Variants in AASDH observed in about 807,000 individuals in gnomAD.
The protein encoded by AASDH is beta-alanine-activating enzyme.
Under a neutral mutation model 102.3 loss-of-function variants are expected in AASDH, and 81 were observed. That is an observed-to-expected ratio of 0.79 (90% CI 0.66 to 0.95). The LOEUF (loss-of-function observed/expected upper bound fraction) is 0.95. AASDH is among the 40% of genes least tolerant of loss of function. The pLI, the probability that AASDH is intolerant of heterozygous loss-of-function variation, is 0.00. For synonymous variants in AASDH, 398 were observed against 454.0 expected, an observed-to-expected ratio of 0.88 and a Z score of 1.57; for missense variants, 1,203 against 1,266.2, an observed-to-expected ratio of 0.95 and a Z score of 0.76.
chr4:56,363,348 C>A (rs990808360), intron 5 of AASDH, among the ~76,000 whole-genome samples: 2 of 152,220 alleles, frequency 1.3e-5, no homozygotes, highest in African/African-American at 4.8e-5. Flanking sequence ...ACTTAAATGT[C>A]CCTGTCTGAC....
chr4:56,354,603 A>G (rs1282774704), intron 7 of AASDH, 102 bp downstream of exon 7: 34 of 821,190 alleles, frequency 4.1e-5, no homozygotes, highest in Non-Finnish European at 6.5e-5. Context: ...TTATCACTGA[A>G]AAGCATGAGA....
At chr4:56,361,600 A>T (rs1750305120) in intron 5 of AASDH, among the ~76,000 whole-genome samples, 1 of 152,146 alleles carries the variant, frequency 6.6e-6, no homozygotes, top group East Asian at 1.9e-4. Context: ...TTTTTTAAGG[A>T]AAAACTCAGG....
At chr4:56,371,668 T>C (rs1055513749) in intron 4 of AASDH, 25 bp from the exon 5 acceptor site, 4 of 1,577,032 alleles carry the variant, frequency 2.5e-6, no homozygotes, top group African/African-American at 1.4e-5. Context: ...AATGCAGTTA[T>C]GAGAAACGTC....
chr4:56,386,150 T>G (rs1431540274), intron 1 of AASDH, among the ~76,000 whole-genome samples: 1 of 152,236 alleles, frequency 6.6e-6, no homozygotes, highest in Admixed American at 6.5e-5. Context: ...TTATTTTTAG[T>G]AGGCATTTCT....
chr4:56,365,642 GCA>G (rs1389140725), intron 5 of AASDH, among the ~76,000 whole-genome samples: 1 of 152,000 alleles, frequency 6.6e-6, no homozygotes, highest in Admixed American at 6.6e-5. Flanking sequence ...TGAAATGAAG[GCA>G]GAAATCAAGA....
In AASDH at chr4:56,354,220, G is replaced by A; in HGVS notation, c.1211-9C>T. On this transcript the variant is annotated splice_polypyrimidine_tract_variant and intron_variant, in intron 7 of 14. Transcript: ENST00000205214. ...CACTCTGTTTCTGCCACCTTCCCAA[G>A]ATATAAACACCAATGTCATAAAAAT... The A allele has an allele frequency of 6.5e-7, 1 of 1,542,552 alleles. No homozygotes were observed. Among genetic ancestry groups the A allele is most frequent in the Non-Finnish European group, 8.8e-7 (1 of 1,142,604 alleles).
chr4:56,360,690 G>A (rs1750186974), intron 5 of AASDH, among the ~76,000 whole-genome samples: 1 of 151,970 alleles, frequency 6.6e-6, no homozygotes. Flanking sequence ...TCTTCACTTG[G>A]CCAGAGCCAA....
chr4:56,367,321 C>T (rs1751135310), intron 5 of AASDH, among the ~76,000 whole-genome samples: 1 of 149,590 alleles, frequency 6.7e-6, no homozygotes, highest in African/African-American at 2.5e-5. Flanking sequence ...CAATGCCATC[C>T]CCATCAAGCT....
intron 8 of AASDH, 95 bp downstream of exon 8, chr4:56,353,944 G>T (rs952349757): frequency 1.3e-5 from 15 of 1,143,364 alleles, no homozygotes; most frequent in Non-Finnish European, 1.8e-5. Context: ...AAAATGTCAG[G>T]TGTAAATAAT....
chr4:56,381,432 G>A (rs927443658), intron 3 of AASDH, among the ~76,000 whole-genome samples: 10 of 151,884 alleles, frequency 6.6e-5, no homozygotes, highest in African/African-American at 2.4e-4. Flanking sequence ...ACAAAAATTA[G>A]CCGGGTGTGG....
At chr4:56,367,963 T>A (rs1422403987) in intron 5 of AASDH, among the ~76,000 whole-genome samples, 1 of 152,098 alleles carries the variant, frequency 6.6e-6, no homozygotes, top group Non-Finnish European at 1.5e-5. Flanking sequence ...TTCTGCAACC[T>A]ACTCATCTGA....
intron 14 of AASDH, 23 bp from the exon 15 acceptor site, chr4:56,338,814 A>G: frequency 6.3e-7 from 1 of 1,595,152 alleles, no homozygotes; most frequent in Middle Eastern, 1.7e-4. Context: ...ATAAAAATAA[A>G]TATAATTCAT....
chr4:56,356,662 G>A (rs1749677202), intron 5 of AASDH: 1 of 687,158 alleles, frequency 1.5e-6, no homozygotes, highest in African/African-American at 1.7e-5. Flanking sequence ...TCATAAAATG[G>A]GGGTCCCTTA....
intron 3 of AASDH, among the ~76,000 whole-genome samples, chr4:56,378,962 C>T (rs1301003731): frequency 1.3e-5 from 2 of 152,076 alleles, no homozygotes; most frequent in Admixed American, 1.3e-4. Context: ...CAGCTCACTG[C>T]AAATTCCGCC....
At chr4:56,372,422 T>C (rs1751834402) in intron 4 of AASDH, among the ~76,000 whole-genome samples, 1 of 152,334 alleles carries the variant, frequency 6.6e-6, no homozygotes, top group Middle Eastern at 3.4e-3. Context: ...TGATGTTTAA[T>C]AGAGACTTCC....
intron 3 of AASDH, chr4:56,381,888 G>A (rs901353624): frequency 6.6e-6 from 1 of 151,982 alleles, no homozygotes. Context: ...CAAAAACAGA[G>A]TTTCTTGGTT....
At chr4:56,350,441 G>A (rs987551230) in intron 10 of AASDH, among the ~76,000 whole-genome samples, 3 of 151,620 alleles carry the variant, frequency 2.0e-5, no homozygotes, top group African/African-American at 7.3e-5. Flanking sequence ...GCAACAGAGT[G>A]AATCTCCATC....
At chr4:56,362,805 G>T (rs7656361) in intron 5 of AASDH, among the ~76,000 whole-genome samples, 2 of 151,954 alleles carry the variant, frequency 1.3e-5, no homozygotes, top group Admixed American at 1.3e-4. Flanking sequence ...AGCTCCCAGC[G>T]TGAGCGACGC....
At chr4:56,379,044 C>T (rs1333714053) in intron 3 of AASDH, among the ~76,000 whole-genome samples, 5 of 151,788 alleles carry the variant, frequency 3.3e-5, no homozygotes, top group Admixed American at 6.6e-5. Flanking sequence ...CCACCACGCC[C>T]GGCTAATGTT....
Sources: allele counts gnomAD v4.1 joint callset (sites outside exome capture counted in the v4.1 genomes callset), GRCh38; gene constraint gnomAD v4.1.1; transcripts MANE v1.5; gene names NCBI Gene and HGNC (gene_info 2026-07-23, HGNC 2026-07-21).